Variants in POFUT3 observed in about 807,000 individuals in gnomAD.
POFUT3 encodes the protein GDP-fucose protein O-fucosyltransferase 3.
At chr8:33,324,541 A>G in the POFUT3 span, among the ~76,000 whole-genome samples, 2 of 152,164 alleles carry the variant, frequency 1.3e-5, no homozygotes, top group African/African-American at 2.4e-5. Context: ...AATGTGACAA[A>G]TATAAAACCA....
chr8:33,453,024 C>A, the POFUT3 span: 1 of 569,730 alleles, frequency 1.8e-6, no homozygotes, highest in Non-Finnish European at 3.1e-6. Context: ...GAAGCCACCA[C>A]GCCCGGCCAG....
chr8:33,348,308 A>T, the POFUT3 span, among the ~76,000 whole-genome samples: 8 of 151,398 alleles, frequency 5.3e-5, no homozygotes, highest in African/African-American at 1.9e-4. Flanking sequence ...AAAAACTAAT[A>T]AAATGTGGCA....
chr8:33,466,427 T>C, the POFUT3 span, among the ~76,000 whole-genome samples: 4,474 of 145,146 alleles, frequency 0.031, 88 homozygotes, highest in Non-Finnish European at 0.041. Context: ...AGACACTGTC[T>C]CAAAAAAGAA....
the POFUT3 span, among the ~76,000 whole-genome samples, chr8:33,416,961 C>T: frequency 3.5e-4 from 53 of 152,308 alleles, 1 homozygote; most frequent in Admixed American, 3.4e-3. Flanking sequence ...GGTCCCCAAC[C>T]CCAAGGCCAT....
chr8:33,429,681 C>T, the POFUT3 span, among the ~76,000 whole-genome samples: 1 of 151,482 alleles, frequency 6.6e-6, no homozygotes, highest in African/African-American at 2.4e-5. Context: ...TGAGGAGAAA[C>T]ACTTGATCTT....
At chr8:33,372,765 G>A in the POFUT3 span, 7 of 1,613,932 alleles carry the variant, frequency 4.3e-6, no homozygotes, top group Admixed American at 3.3e-5. Flanking sequence ...GGGCAACTCA[G>A]GTGGGTATCT....
chr8:33,331,698 C>G, the POFUT3 span, among the ~76,000 whole-genome samples: 10 of 148,668 alleles, frequency 6.7e-5, no homozygotes, highest in African/African-American at 2.6e-4. Flanking sequence ...TTTTTTGAGA[C>G]GGAGTCTCGC....
At chr8:33,422,820 G>T in the POFUT3 span, among the ~76,000 whole-genome samples, 3 of 151,660 alleles carry the variant, frequency 2.0e-5, no homozygotes, top group Non-Finnish European at 4.4e-5. Flanking sequence ...TTCCAGGTCA[G>T]AAATCCATTT....
chr8:33,424,584 G>A, the POFUT3 span, among the ~76,000 whole-genome samples: 1 of 152,238 alleles, frequency 6.6e-6, no homozygotes, highest in Non-Finnish European at 1.5e-5. Flanking sequence ...CAGGATGCCC[G>A]GCCACGGACT....
At chr8:33,437,225 G>T in the POFUT3 span, among the ~76,000 whole-genome samples, 1 of 151,996 alleles carries the variant, frequency 6.6e-6, no homozygotes, top group Non-Finnish European at 1.5e-5. Context: ...TGATGAACAT[G>T]CGAGTGCATT....
the POFUT3 span, among the ~76,000 whole-genome samples, chr8:33,404,337 CAA>C: frequency 6.7e-4 from 74 of 110,880 alleles, no homozygotes; most frequent in Admixed American, 7.7e-4. Context: ...GGCTCTGTCT[CAA>C]AAAAAAAAAA....
chr8:33,447,438 G>A, the POFUT3 span, among the ~76,000 whole-genome samples: 2 of 140,196 alleles, frequency 1.4e-5, no homozygotes, highest in Non-Finnish European at 3.0e-5. Context: ...GACAGGGCAA[G>A]ACTCCATCTC....
the POFUT3 span, among the ~76,000 whole-genome samples, chr8:33,377,954 G>C: frequency 6.6e-6 from 1 of 152,214 alleles, no homozygotes; most frequent in Non-Finnish European, 1.5e-5. Context: ...ACAGGAGAGA[G>C]AGGTGATCAC....
chr8:33,424,459 CCAG>C, the POFUT3 span, among the ~76,000 whole-genome samples: 1 of 152,138 alleles, frequency 6.6e-6, no homozygotes, highest in Admixed American at 6.6e-5. Context: ...GAAGCTGCTA[CCAG>C]CAAGAAGTAA....
the POFUT3 span, among the ~76,000 whole-genome samples, chr8:33,464,264 A>C: frequency 6.6e-6 from 1 of 152,226 alleles, no homozygotes; most frequent in Non-Finnish European, 1.5e-5. Context: ...CGTTAAAAGG[A>C]AAAATGCTCA....
the POFUT3 span, among the ~76,000 whole-genome samples, chr8:33,465,435 G>T: frequency 0.046 from 6,898 of 149,854 alleles, 209 homozygotes; most frequent in Middle Eastern, 0.079. Context: ...TATATAGAGA[G>T]AGAGAGAGAG....
At chr8:33,417,648 A>T in the POFUT3 span, among the ~76,000 whole-genome samples, 3 of 152,310 alleles carry the variant, frequency 2.0e-5, no homozygotes, top group South Asian at 6.2e-4. Context: ...GGGAACAACA[A>T]GTCCAGCTTA....
chr8:33,317,806 C>T, the POFUT3 span, among the ~76,000 whole-genome samples: 2 of 152,080 alleles, frequency 1.3e-5, no homozygotes, highest in Admixed American at 6.6e-5. Flanking sequence ...AGCTGTCCCT[C>T]CGCGCCTAGA....
chr8:33,399,861 T>C, the POFUT3 span, among the ~76,000 whole-genome samples: 1 of 151,502 alleles, frequency 6.6e-6, no homozygotes, highest in Admixed American at 6.6e-5. Flanking sequence ...ACCATGTTCG[T>C]CAGGCTGGTC....
Sources: allele counts gnomAD v4.1 joint callset (sites outside exome capture counted in the v4.1 genomes callset), GRCh38; gene constraint gnomAD v4.1.1; transcripts MANE v1.5; gene names NCBI Gene and HGNC (gene_info 2026-07-23, HGNC 2026-07-21).